Variants in MSI1 observed in about 807,000 individuals in gnomAD.
MSI1 encodes musashi RNA binding protein 1, also known as RNA-binding protein Musashi homolog 1.
Under a neutral mutation model 54.4 loss-of-function variants are expected in MSI1, and 15 were observed. The observed-to-expected ratio is 0.28, with a 90% CI of 0.18 to 0.42. MSI1 has a LOEUF of 0.42. Ranked by LOEUF, MSI1 falls within the 20% of genes least tolerant of loss-of-function variation. The pLI, the probability that MSI1 is intolerant of heterozygous loss-of-function variation, is 1.00. For missense variants in MSI1, 304 were observed against 506.0 expected, an observed-to-expected ratio of 0.60 and a Z score of 3.83; for synonymous variants, 200 against 196.5, an observed-to-expected ratio of 1.02 and a Z score of -0.15.
At chr12:120,354,685 CCTCCCAAA>C (rs1874929211) in intron 9 of MSI1, among the ~76,000 whole-genome samples, 2 of 152,226 alleles carry the variant, frequency 1.3e-5, no homozygotes, top group African/African-American at 2.4e-5. Flanking sequence ...CCCGCCTCAG[CCTCCCAAA>C]GTGCTGGGAT....
At position 120,368,368 on chromosome 12, in the gene MSI1, G is replaced by T; in HGVS notation, c.101-95C>A. 7.9e-7 allele frequency: 1 copy of T among 1,272,494 alleles called. No homozygotes were observed. Among genetic ancestry groups the T allele is most frequent in the Non-Finnish European group, 1.0e-6 (1 of 965,584 alleles). 78.8% of individuals were successfully genotyped at this position (1,272,494 alleles called of 1,614,324 possible). A position where few individuals can be genotyped will look rare whatever the true frequency, so the allele number is the denominator to read the frequency against. On this transcript the variant is annotated intron_variant, in intron 2 of 14. Coordinates refer to ENST00000257552, the MANE Select transcript of MSI1 (RefSeq NM_002442.4). This position sits in a 1 kb window ranked among gnomAD's most constrained non-coding sequence, Gnocchi z 6.6. ...CCGGTGACCCCGGAGCGGCCCGGCC[G>T]CCCCCGCGCCAAGCTGCCCGCGCGT...
chr12:120,343,701 TGA>T (rs1873879354), intron 14 of MSI1, among the ~76,000 whole-genome samples: 1 of 152,194 alleles, frequency 6.6e-6, no homozygotes, highest in South Asian at 2.1e-4. Context: ...TCCTGTGAAA[TGA>T]GAGAGGACTT....
intron 5 of MSI1, 132 bp from the exon 6 acceptor site, chr12:120,363,267 C>CCT (rs1409665921): frequency 3.0e-6 from 2 of 673,712 alleles, no homozygotes; most frequent in African/African-American, 3.7e-5. Flanking sequence ...AAAGGCCCCC[C>CCT]CCCCGCAAGC....
At chr12:120,348,592 G>A (rs1287700985) in intron 11 of MSI1, among the ~76,000 whole-genome samples, 1 of 151,452 alleles carries the variant, frequency 6.6e-6, no homozygotes, top group Non-Finnish European at 1.5e-5. Flanking sequence ...TAAAGATAGG[G>A]TCTTGGAAAG....
In MSI1 at chr12:120,349,287, T is replaced by C. The variant is rs1303140123; in HGVS notation, c.791-1773A>G. Reference sequence around the variant, plus strand: ...ATTTTTTTTGTATTTTTAGTAGAGATGGGGTTTCACCATGTTGGCCAGGCT... The same window carrying C: ...ATTTTTTTTGTATTTTTAGTAGAGACGGGGTTTCACCATGTTGGCCAGGCT... On this transcript the variant is annotated intron_variant, in intron 11 of 14. Coordinates refer to ENST00000257552, the MANE Select transcript of MSI1 (RefSeq NM_002442.4). Among the ~76,000 whole-genome samples, 6 of 151,982 alleles carry C rather than the reference T, an allele frequency of 3.9e-5. No individual in the cohort carries two copies. In the East Asian group the frequency reaches 9.7e-4, roughly 24 times the overall value.
rs35991527 is a variant in MSI1 at position 120,342,650 on chromosome 12, TAAAAAAAAAA to T, written c.*467_*476del. ...AGAAATAGTTTAAAAAAGGTTTCTT[TAAAAAAAAAA>T]AAAAAAAAAAAAAGGGAAAGGGTAA... On this transcript the variant is annotated 3_prime_UTR_variant, in exon 15 of 15. Coordinates refer to ENST00000257552, the MANE Select transcript of MSI1 (RefSeq NM_002442.4). The T allele has an allele frequency of 1.0e-5, 1 of 99,784 alleles. No individual in the cohort carries two copies. The highest frequency in any genetic ancestry group is 2.0e-5 in the Non-Finnish European group (1 of 50,556). The allele number at this position is 99,784 out of a possible 1,614,324, so 6.2% of individuals were successfully genotyped here. A position where few individuals can be genotyped will look rare whatever the true frequency, so the allele number is the denominator to read the frequency against.
In MSI1 at chr12:120,368,360, G is replaced by A; in HGVS notation, c.101-87C>T. The A allele has an allele frequency of 7.2e-7, 1 of 1,391,172 alleles. No homozygotes were observed. Among genetic ancestry groups the A allele is most frequent in the Non-Finnish European group, 9.7e-7 (1 of 1,032,478 alleles). The allele number at this position is 1,391,172 out of a possible 1,614,324, so 86.2% of individuals were successfully genotyped here. ...CTTTGCCCCCGGTGACCCCGGAGCG[G>A]CCCGGCCGCCCCCGCGCCAAGCTGC... On this transcript the variant is annotated intron_variant, in intron 2 of 14. Coordinates refer to ENST00000257552, the MANE Select transcript of MSI1 (RefSeq NM_002442.4). This position sits in a 1 kb window ranked among gnomAD's most constrained non-coding sequence, Gnocchi z 6.6.
intron 9 of MSI1, among the ~76,000 whole-genome samples, chr12:120,356,107 C>A (rs1875091757): frequency 6.6e-6 from 1 of 152,172 alleles, no homozygotes; most frequent in Admixed American, 6.5e-5. Flanking sequence ...GTCTCCTCAA[C>A]CTCCAGGTGG....
chr12:120,367,968 CCT>C lies in MSI1; in HGVS notation c.267+38_267+39del, dbSNP rs751583942. 468 of 1,574,118 alleles carry C rather than the reference CCT, an allele frequency of 3.0e-4. 1 individual carries two copies. The highest frequency in any genetic ancestry group is 3.9e-4 in the Non-Finnish European group (451 of 1,156,180). On this transcript the variant is annotated intron_variant, in intron 4 of 14. Transcript: ENST00000257552. The stretch of plus-strand genomic sequence containing the variant: ...CCTGACCCTCTCCTCCGGCAGCCTC[CCT>C]CTCCCAAAGGACCCCCGAAGCCCCG...
At chr12:120,341,124 G>C (rs1488226999), downstream of MSI1, among the ~76,000 whole-genome samples, 3 of 151,736 alleles carry the variant, frequency 2.0e-5, no homozygotes, top group Non-Finnish European at 4.4e-5. Flanking sequence ...GACCTCAATT[G>C]ATCTGCCCAC....
In MSI1 at chr12:120,368,107, G is replaced by A; in HGVS notation, c.183-15C>T. 1.2e-6 allele frequency: 2 copies of A among 1,612,812 alleles called. No individual in the cohort carries two copies. The highest frequency in any genetic ancestry group is 2.2e-5 in the East Asian group (1 of 44,838). ...AGCCGAAACCCCTGCGCGCCGTAGT[G>A]AGGGAGAGGCAGATGGTTACAAGGC... On this transcript the variant is annotated splice_polypyrimidine_tract_variant and intron_variant, in intron 3 of 14. Transcript: ENST00000257552. This position sits in a 1 kb window ranked among gnomAD's most constrained non-coding sequence, Gnocchi z 6.6.
rs527775029 is a variant in MSI1 at position 120,344,249 on chromosome 12, C to A, written c.*22-1144G>T. Among the ~76,000 whole-genome samples the A allele has an allele frequency of 7.9e-5, 12 of 152,296 alleles. No homozygotes were observed. In the South Asian group the frequency reaches 2.3e-3, roughly 29 times the overall value. ...TTTTGATGGATATTTCAGTTATTTG[C>A]AGTTTTAAAAATAAATGCCTAGAAG... On this transcript the variant is annotated intron_variant, in intron 14 of 14. Transcript: ENST00000257552.
intron 14 of MSI1, among the ~76,000 whole-genome samples, chr12:120,343,434 G>C (rs546624264): frequency 6.6e-6 from 1 of 152,172 alleles, no homozygotes; most frequent in South Asian, 2.1e-4. Context: ...ATATTGCCCA[G>C]GCTAGTCTCA....
chr12:120,345,952 G>A (rs920129281), intron 13 of MSI1, among the ~76,000 whole-genome samples, 183 bp downstream of exon 13: 7 of 152,192 alleles, frequency 4.6e-5, no homozygotes, highest in East Asian at 3.9e-4. Flanking sequence ...ATTCAGAGGC[G>A]ATAACTAAGT....
Position 120,343,802 on chromosome 12 carries a change from C to T in MSI1, c.*22-697G>A, listed in dbSNP as rs148985051. Among the ~76,000 whole-genome samples, 321 of 152,274 alleles carry T rather than the reference C, an allele frequency of 2.1e-3. 2 individuals carry two copies. Among genetic ancestry groups the T allele is most frequent in the Non-Finnish European group, 3.3e-3 (224 of 68,018 alleles). On this transcript the variant is annotated intron_variant, in intron 14 of 14. Transcript: ENST00000257552. ...ATGTCATGGGCTCACAGTCTCCCAC[C>T]ATCTGGATAGACACTGTGATGGCCG...
At chr12:120,358,403 CA>C (rs2136958493) in intron 7 of MSI1, among the ~76,000 whole-genome samples, 1 of 152,262 alleles carries the variant, frequency 6.6e-6, no homozygotes, top group Admixed American at 6.5e-5. Context: ...CCCTTTTGCA[CA>C]GATACAAATA....
chr12:120,366,223 A>G (rs1321371768), intron 4 of MSI1, among the ~76,000 whole-genome samples: 1 of 152,124 alleles, frequency 6.6e-6, no homozygotes, highest in African/African-American at 2.4e-5. Flanking sequence ...CTTCTGTTCA[A>G]AACTCAGCCT....
chr12:120,349,085 G>A (rs890617684), intron 11 of MSI1, among the ~76,000 whole-genome samples: 1 of 141,222 alleles, frequency 7.1e-6, no homozygotes, highest in African/African-American at 2.5e-5. Context: ...AGCCTTTCTT[G>A]TTTTACTTGA....
chr12:120,364,642 G>A (rs1200318666), intron 5 of MSI1, 72 bp downstream of exon 5: 2 of 1,418,586 alleles, frequency 1.4e-6, no homozygotes, highest in Non-Finnish European at 1.9e-6. Context: ...TCCAGAGCAG[G>A]AAATACTGGG....
Sources: allele counts gnomAD v4.1 joint callset (sites outside exome capture counted in the v4.1 genomes callset), GRCh38; gene constraint gnomAD v4.1.1; non-coding constraint Gnocchi (gnomAD v3.1); transcripts MANE v1.5; gene names NCBI Gene and HGNC (gene_info 2026-07-23, HGNC 2026-07-21).